TENM3: variants seen among roughly 807,000 people sequenced by gnomAD.
The protein encoded by TENM3 is teneurin transmembrane protein 3.
TENM3 carries 63 observed loss-of-function variants against 255.1 expected under a neutral mutation model. The ratio of observed to expected loss-of-function variants is 0.25; its 90% confidence interval spans 0.20 to 0.30. TENM3 has a LOEUF of 0.30. Ranked by LOEUF, TENM3 falls within the 10% of genes least tolerant of loss-of-function variation. The pLI, the probability that TENM3 is intolerant of heterozygous loss-of-function variation, is 1.00. For missense variants in TENM3, 2,929 were observed against 3,461.1 expected (o/e 0.85, Z 3.86); for synonymous variants, 1,306 against 1,322.3 (o/e 0.99, Z 0.27).
At chr4:181,725,340 T>A in the TENM3 span, among the ~76,000 whole-genome samples, 3 of 152,164 alleles carry the variant, frequency 2.0e-5, no homozygotes. Context: ...GTGGTTTATG[T>A]CTTTATATGA....
At chr4:181,711,598 A>C in the TENM3 span, among the ~76,000 whole-genome samples, 5 of 152,252 alleles carry the variant, frequency 3.3e-5, no homozygotes, top group Non-Finnish European at 7.3e-5. Context: ...AAGTCAATGA[A>C]TGAATGGAAG....
chr4:182,749,305 G>A (rs1357591099), intron 19 of TENM3, among the ~76,000 whole-genome samples: 1 of 152,020 alleles, frequency 6.6e-6, no homozygotes, highest in African/African-American at 2.4e-5. Flanking sequence ...AACAGCAGAA[G>A]TAAAAAAACA....
At chr4:181,589,620 A>G in the TENM3 span, among the ~76,000 whole-genome samples, 29 of 152,320 alleles carry the variant, frequency 1.9e-4, no homozygotes, top group African/African-American at 6.7e-4. Flanking sequence ...AAACTGACAC[A>G]AGACAGATCA....
chr4:181,751,405 C>A, the TENM3 span, among the ~76,000 whole-genome samples: 2 of 136,952 alleles, frequency 1.5e-5, no homozygotes, highest in East Asian at 4.1e-4. Context: ...ACTACTACAG[C>A]CTTCCAAAGG....
the TENM3 span, among the ~76,000 whole-genome samples, chr4:181,924,557 C>T: frequency 6.6e-6 from 1 of 152,268 alleles, no homozygotes; most frequent in African/African-American, 2.4e-5. Context: ...TCTAATCATT[C>T]CTTACTTGTT....
chr4:181,907,620 C>G, the TENM3 span, among the ~76,000 whole-genome samples: 1 of 152,076 alleles, frequency 6.6e-6, no homozygotes, highest in Non-Finnish European at 1.5e-5. Flanking sequence ...ACCTGAGAGA[C>G]AGCTCGGAGA....
Position 182,799,571 on chromosome 4 carries a change from G to A in TENM3, c.7345-25G>A, listed in dbSNP as rs770794490. The stretch of plus-strand genomic sequence containing the variant: ...GGAGGCTCCCGGCCGCCTCTGACGC[G>A]CCCCCTCTTTTGTTTCGCCCGCAGC... On this transcript the variant is annotated intron_variant, in intron 27 of 27. Coordinates refer to ENST00000511685, the MANE Select transcript of TENM3 (RefSeq NM_001080477.4). This position sits in a 1 kb window ranked among gnomAD's most constrained non-coding sequence, Gnocchi z 4.2. The A allele has an allele frequency of 2.2e-5, 33 of 1,530,174 alleles. No homozygotes were observed. Among genetic ancestry groups the A allele is most frequent in the Non-Finnish European group, 2.7e-5 (31 of 1,144,902 alleles). The allele number at this position is 1,530,174 out of a possible 1,614,324, so 94.8% of individuals were successfully genotyped here. A position where few individuals can be genotyped will look rare whatever the true frequency, so the allele number is the denominator to read the frequency against.
Position 182,688,367 on chromosome 4 carries a change from G to A in TENM3, c.2221+16G>A. On this transcript the variant is annotated intron_variant, in intron 12 of 27. Coordinates refer to ENST00000511685, the MANE Select transcript of TENM3 (RefSeq NM_001080477.4). Reference sequence around the variant, plus strand: ...TGCACTATCGGTAGGCTTACTGCAAGTCTGTGTCTGTCCCCTTCCTCCCAG... The same window carrying A: ...TGCACTATCGGTAGGCTTACTGCAAATCTGTGTCTGTCCCCTTCCTCCCAG... 6.4e-7 allele frequency: 1 copy of A among 1,551,444 alleles called. No homozygotes were observed. Among genetic ancestry groups the A allele is most frequent in the Admixed American group, 1.9e-5 (1 of 53,772 alleles).
chr4:182,135,625 T>C, the TENM3 span, among the ~76,000 whole-genome samples: 3 of 151,728 alleles, frequency 2.0e-5, no homozygotes, highest in African/African-American at 7.3e-5. Flanking sequence ...CAAATGGGTG[T>C]AACGGTCCAT....
At chr4:182,442,783 CAT>C (rs200474047) in intron 3 of TENM3, among the ~76,000 whole-genome samples, 10 of 130,258 alleles carry the variant, frequency 7.7e-5, no homozygotes, top group South Asian at 4.9e-4. Context: ...TGTGTGTGTA[CAT>C]ATGTGTGTGT....
At chr4:182,193,412 C>G (rs1205135535) in intron 1 of TENM3, among the ~76,000 whole-genome samples, 1 of 152,210 alleles carries the variant, frequency 6.6e-6, no homozygotes, top group African/African-American at 2.4e-5. Flanking sequence ...AGGTACAAGA[C>G]TGCGAGCCTC....
chr4:182,381,097 C>T (rs1235275076), intron 3 of TENM3, among the ~76,000 whole-genome samples: 4 of 152,166 alleles, frequency 2.6e-5, no homozygotes, highest in Non-Finnish European at 5.9e-5. Flanking sequence ...TGACCAGGAA[C>T]GAGATCAGAC....
the TENM3 span, among the ~76,000 whole-genome samples, chr4:182,091,298 T>C: frequency 1.3e-5 from 2 of 152,178 alleles, no homozygotes; most frequent in Non-Finnish European, 2.9e-5. Flanking sequence ...ACAAAAAGTA[T>C]ACTAGGGATT....
intron 13 of TENM3, among the ~76,000 whole-genome samples, chr4:182,726,738 C>T (rs1561164960): frequency 6.6e-6 from 1 of 152,146 alleles, no homozygotes; most frequent in African/African-American, 2.4e-5. Flanking sequence ...CTTCAGATGG[C>T]CAAAATGACC....
At chr4:181,774,985 G>A in the TENM3 span, among the ~76,000 whole-genome samples, 1 of 135,676 alleles carries the variant, frequency 7.4e-6, no homozygotes, top group Admixed American at 7.1e-5. Flanking sequence ...CACTCTGATG[G>A]TAGTTTCTTT....
chr4:182,461,983 T>C (rs771438197), intron 3 of TENM3, among the ~76,000 whole-genome samples: 193 of 152,248 alleles, frequency 1.3e-3, no homozygotes, highest in Non-Finnish European at 2.1e-3. Context: ...TCTTGTCAAC[T>C]CTTACCCTAA....
intron 1 of TENM3, among the ~76,000 whole-genome samples, chr4:182,322,971 G>T (rs907403131): frequency 6.6e-6 from 1 of 152,076 alleles, no homozygotes; most frequent in South Asian, 2.1e-4. Flanking sequence ...AAACACGAAG[G>T]GCTGAAGATA....
At chr4:182,238,057 C>T (rs994639959) in intron 1 of TENM3, among the ~76,000 whole-genome samples, 4 of 152,116 alleles carry the variant, frequency 2.6e-5, no homozygotes, top group Non-Finnish European at 4.4e-5. Context: ...GCTTGGTTGA[C>T]AGTGTTACTT....
chr4:182,576,616 G>T (rs1744947081), intron 3 of TENM3, among the ~76,000 whole-genome samples: 1 of 152,192 alleles, frequency 6.6e-6, no homozygotes, highest in Non-Finnish European at 1.5e-5. Flanking sequence ...TTCATTTAGT[G>T]TGTTGCTAAA....
Sources: allele counts gnomAD v4.1 joint callset (sites outside exome capture counted in the v4.1 genomes callset), GRCh38; gene constraint gnomAD v4.1.1; non-coding constraint Gnocchi (gnomAD v3.1); transcripts MANE v1.5; gene names NCBI Gene and HGNC (gene_info 2026-07-23, HGNC 2026-07-21).